The following FAXC variants were observed in gnomAD, a reference collection of about 807,000 sequenced individuals.
FAXC encodes the protein failed axon connections homolog, metaxin like GST domain containing, also known as failed axon connections homolog.
A neutral mutation model predicts 41.9 loss-of-function variants in FAXC; 10 were observed. The observed-to-expected ratio is 0.24, with a 90% CI of 0.15 to 0.41. The LOEUF is 0.41. FAXC is among the 10% of genes least tolerant of loss of function. FAXC has a pLI of 1.00. For missense variants in FAXC, 399 were observed against 510.9 expected, an observed-to-expected ratio of 0.78 and a Z score of 2.11; for synonymous variants, 183 against 183.8, an observed-to-expected ratio of 1.00 and a Z score of 0.03.
intron 3 of FAXC, among the ~76,000 whole-genome samples, chr6:99,328,426 C>G (rs1772899800): frequency 6.6e-6 from 1 of 152,184 alleles, no homozygotes; most frequent in Admixed American, 6.5e-5. Context: ...GAAGCTGGCC[C>G]TCGCCAGACA....
intron 3 of FAXC, among the ~76,000 whole-genome samples, chr6:99,329,176 T>C (rs1386141903): frequency 3.3e-5 from 5 of 152,226 alleles, no homozygotes; most frequent in Non-Finnish European, 7.3e-5. Flanking sequence ...ATTTTGAGGA[T>C]CTATTTCAAG....
chr6:99,335,220 T>C (rs1389767667), intron 2 of FAXC, among the ~76,000 whole-genome samples: 1 of 152,220 alleles, frequency 6.6e-6, no homozygotes, highest in East Asian at 1.9e-4. Context: ...TTGACTACTT[T>C]TTAAAATAGT....
At chr6:99,283,089 C>T (rs190371795) in intron 5 of FAXC, among the ~76,000 whole-genome samples, 13 of 152,218 alleles carry the variant, frequency 8.5e-5, no homozygotes, top group African/African-American at 3.1e-4. Context: ...TATCACAGGT[C>T]GTTTAGGTTG....
At chr6:99,307,505 T>G in intron 4 of FAXC, among the ~76,000 whole-genome samples, 1 of 150,618 alleles carries the variant, frequency 6.6e-6, no homozygotes, top group East Asian at 1.9e-4. Flanking sequence ...CTTGACTGAG[T>G]GGAAGGGAAG....
In FAXC at chr6:99,347,166, C is replaced by T. The variant is rs117959199; in HGVS notation, c.266+1941G>A. On this transcript the variant is annotated intron_variant, in intron 1 of 5. Transcript: ENST00000389677. ...CCTGTAATCCCAGCAACTCAGCAGA[C>T]TGAGGCCAGAGGATCGCTTGATCCC... is the stretch of plus-strand genomic sequence containing the variant. Among the ~76,000 whole-genome samples the T allele has an allele frequency of 4.7e-4, 72 of 152,226 alleles. 2 individuals carry two copies. The East Asian group carries it at 0.013, about 27-fold the overall frequency.
intron 4 of FAXC, among the ~76,000 whole-genome samples, chr6:99,322,956 G>A (rs1772644844): frequency 6.6e-6 from 1 of 152,192 alleles, no homozygotes; most frequent in Admixed American, 6.5e-5. Context: ...AGGAATAAGA[G>A]GGGTGAGAAA....
rs926382553 is a variant in FAXC, at chr6:99,274,288, C to T, written c.*6876G>A. On this transcript the variant is annotated 3_prime_UTR_variant, in exon 6 of 6. Coordinates refer to ENST00000389677, the MANE Select transcript of FAXC (RefSeq NM_032511.4). ...GCCACTTGTATATCCATAGACAATCCTTCCCTACATAGATTGCACTTGTTT... is the reference window on the plus strand; with the variant it reads ...GCCACTTGTATATCCATAGACAATCTTTCCCTACATAGATTGCACTTGTTT... 1.3e-5 allele frequency: 2 copies of T among 152,088 alleles called. No homozygotes were observed. The highest frequency in any genetic ancestry group is 2.9e-5 in the Non-Finnish European group (2 of 68,006). 9.4% of individuals were successfully genotyped at this position (152,088 alleles called of 1,614,324 possible).
intron 2 of FAXC, among the ~76,000 whole-genome samples, chr6:99,340,656 G>C (rs1773390021): frequency 7.1e-6 from 1 of 141,146 alleles, no homozygotes; most frequent in East Asian, 2.1e-4. Flanking sequence ...GATAAGAATT[G>C]CTAAAATTCC....
intron 4 of FAXC, among the ~76,000 whole-genome samples, chr6:99,316,749 T>C (rs1772372371): frequency 6.6e-6 from 1 of 152,214 alleles, no homozygotes; most frequent in South Asian, 2.1e-4. Context: ...AACCCTGCTG[T>C]TCTCTGAGAA....
chr6:99,301,652 GA>G (rs1771709867), intron 4 of FAXC, among the ~76,000 whole-genome samples: 2 of 152,180 alleles, frequency 1.3e-5, no homozygotes, highest in African/African-American at 4.8e-5. Context: ...GCCAAGATGA[GA>G]ATCCTCCTGC....
chr6:99,275,445 C>T lies in FAXC; in HGVS notation c.*5719G>A, dbSNP rs1770567145. Reference sequence around the variant, plus strand: ...TTCGTTTTATTATTGCAATGGTCCCCTTTATTTGTCTACCAATTTTACAAT... The same window carrying T: ...TTCGTTTTATTATTGCAATGGTCCCTTTTATTTGTCTACCAATTTTACAAT... On this transcript the variant is annotated 3_prime_UTR_variant, in exon 6 of 6. Transcript: ENST00000389677. 1 of 152,122 alleles carries T rather than the reference C, an allele frequency of 6.6e-6. No individual in the cohort carries two copies. Among genetic ancestry groups the T allele is most frequent in the Admixed American group, 6.6e-5 (1 of 15,254 alleles). The allele number at this position is 152,122 out of a possible 1,614,324, so 9.4% of individuals were successfully genotyped here. A position where few individuals can be genotyped will look rare whatever the true frequency, so the allele number is the denominator to read the frequency against.
At chr6:99,291,963 C>A in intron 4 of FAXC, 143 bp from the exon 5 acceptor site, 2 of 666,556 alleles carry the variant, frequency 3.0e-6, no homozygotes, top group Non-Finnish European at 2.7e-6. Context: ...CACCCTTTTG[C>A]TTAAAAAAAA....
In FAXC at chr6:99,333,627, C is replaced by T. The variant is rs554753243; in HGVS notation, c.403-80G>A. On this transcript the variant is annotated intron_variant, in intron 2 of 5. Transcript: ENST00000389677. ...TGCATGATTAATAGAAACAAACATT[C>T]CAACCTTATGTTTGATAGTGACAGT... is the stretch of plus-strand genomic sequence containing the variant. The T allele has an allele frequency of 5.6e-4, 684 of 1,216,432 alleles. 1 individual carries two copies. The highest frequency in any genetic ancestry group is 1.6e-3 in the Admixed American group (64 of 40,268). 75.4% of individuals were successfully genotyped at this position (1,216,432 alleles called of 1,614,324 possible). A position where few individuals can be genotyped will look rare whatever the true frequency, so the allele number is the denominator to read the frequency against.
Position 99,281,384 on chromosome 6 carries a change from T to A in FAXC, c.1010A>T (p.Asp337Val), listed in dbSNP as rs200984583. The A allele has an allele frequency of 6.2e-7, 1 of 1,614,218 alleles. No homozygotes were observed. Among genetic ancestry groups the A allele is most frequent in the African/African-American group, 1.3e-5 (1 of 75,060 alleles). ...RRKFWPEWHHDDDNTIYESEE... is the reference protein window; with the variant it reads ...RRKFWPEWHHVDDNTIYESEE... ...AGACTCATAGATGGTATTGTCATCA[T>A]CGTGGTGCCACTCTGGCCAAAATTT... Residue 337 changes from aspartate (D) to valine (V), a missense_variant, in exon 6 of 6, where the codon GAT becomes GTT. Asp to Val is a radical substitution (Grantham distance 152). Around this residue, in one of 3 missense-constraint regions of FAXC, gnomAD observed 92 missense variants for 94.9 expected, o/e 0.97. Transcript: ENST00000389677.
intron 4 of FAXC, among the ~76,000 whole-genome samples, chr6:99,314,023 T>C (rs1014920164): frequency 1.6e-4 from 24 of 152,200 alleles, no homozygotes; most frequent in Non-Finnish European, 1.5e-5. Context: ...GAGGTTTTGC[T>C]ATGTTGCTCA....
At chr6:99,326,063 T>C (rs1039096379) in intron 3 of FAXC, among the ~76,000 whole-genome samples, 6 of 152,176 alleles carry the variant, frequency 3.9e-5, no homozygotes, top group African/African-American at 1.4e-4. Flanking sequence ...AGGAAGCCTG[T>C]AAGAGGCGAG....
Position 99,333,306 on chromosome 6 carries a change from T to G in FAXC, c.599+45A>C, listed in dbSNP as rs774248870. 5.3e-5 allele frequency: 79 copies of G among 1,486,852 alleles called. No individual in the cohort carries two copies. In the Admixed American group the frequency reaches 7.8e-4, roughly 15 times the overall value. 92.1% of individuals were successfully genotyped at this position (1,486,852 alleles called of 1,614,324 possible). A position where few individuals can be genotyped will look rare whatever the true frequency, so the allele number is the denominator to read the frequency against. ...AGGATCTGAAAAGTGAAACAGAACC[T>G]GGGGCTTACTTCGAAAGGACGGGGA... On this transcript the variant is annotated intron_variant, in intron 3 of 5. Transcript: ENST00000389677.
At chr6:99,335,156 T>A (rs1312255186) in intron 2 of FAXC, among the ~76,000 whole-genome samples, 1 of 152,218 alleles carries the variant, frequency 6.6e-6, no homozygotes, top group Non-Finnish European at 1.5e-5. Context: ...TATTTACACA[T>A]CTGGCCTTAC....
chr6:99,300,001 T>C (rs1366086433), intron 4 of FAXC, among the ~76,000 whole-genome samples: 1 of 152,116 alleles, frequency 6.6e-6, no homozygotes, highest in Non-Finnish European at 1.5e-5. Flanking sequence ...AGAAAGCAAC[T>C]AGATACTCCT....
Sources: allele counts gnomAD v4.1 joint callset (sites outside exome capture counted in the v4.1 genomes callset), GRCh38; gene constraint gnomAD v4.1.1; regional missense constraint gnomAD v4.1.1; transcripts MANE v1.5; gene names NCBI Gene and HGNC (gene_info 2026-07-23, HGNC 2026-07-21).